The following RASA1 variants were observed in gnomAD, a reference collection of about 807,000 sequenced individuals.
RASA1 encodes RAS p21 protein activator 1, also known as ras GTPase-activating protein 1.
RASA1 carries 25 observed loss-of-function variants against 132.2 expected under a neutral mutation model. The observed-to-expected ratio is 0.19, with a 90% CI of 0.14 to 0.26. The LOEUF (loss-of-function observed/expected upper bound fraction) is 0.26. RASA1 is among the 10% of genes least tolerant of loss of function. The pLI, the probability that RASA1 is intolerant of heterozygous loss-of-function variation, is 1.00. For missense variants in RASA1, 964 were observed against 1,299.2 expected (o/e 0.74, Z 3.97); for synonymous variants, 477 against 449.9 (o/e 1.06, Z -0.76).
chr5:87,389,059 TATTTCAA>T (rs1266037948), intron 23 of RASA1, among the ~76,000 whole-genome samples: 3 of 152,170 alleles, frequency 2.0e-5, no homozygotes, highest in Non-Finnish European at 4.4e-5. Context: ...CTGAATATTA[TATTTCAA>T]TAAGAATCTT....
At position 87,271,449 on chromosome 5, in the gene RASA1, C is replaced by CTTTTTTTT. The variant is rs1274619047; in HGVS notation, c.539+2461_539+2462insTTTTTTTT. On this transcript the variant is annotated intron_variant, in intron 1 of 24. Transcript: ENST00000274376. ...GTTAAAAAAAACTGTTTTTAGTAGA[C>CTTTTTTTT]TTCTTTTTTTTTTTTTTTTTTTTTT... Among the ~76,000 whole-genome samples, 2 of 67,494 alleles carry CTTTTTTTT rather than the reference C, an allele frequency of 3.0e-5. 1 individual carries two copies. Among genetic ancestry groups the CTTTTTTTT allele is most frequent in the Non-Finnish European group, 5.9e-5 (2 of 33,692 alleles). 44.3% of individuals were successfully genotyped at this position (67,494 alleles called of 152,430 possible).
Position 87,270,906 on chromosome 5 carries a change from C to A in RASA1, c.539+1916C>A, listed in dbSNP as rs1580182030. Among the ~76,000 whole-genome samples the A allele has an allele frequency of 2.0e-5, 3 of 152,124 alleles. No homozygotes were observed. In the East Asian group the frequency reaches 5.8e-4, roughly 29 times the overall value. On this transcript the variant is annotated intron_variant, in intron 1 of 24. Transcript: ENST00000274376. ...CAGAGTTTGGTTCATATTTTAATGT[C>A]TTTGTAATGCAGAGTCCCTGGGAGT...
intron 1 of RASA1, among the ~76,000 whole-genome samples, chr5:87,288,750 G>T (rs1050275152): frequency 1.3e-5 from 2 of 152,016 alleles, no homozygotes; most frequent in African/African-American, 2.4e-5. Context: ...CCAAGTATTT[G>T]TGTTGGAAAA....
chr5:87,325,865 C>A lies in RASA1; in HGVS notation c.540-5483C>A, dbSNP rs16902626. On this transcript the variant is annotated intron_variant, in intron 1 of 24. Coordinates refer to ENST00000274376, the MANE Select transcript of RASA1 (RefSeq NM_002890.3). ...TTCACACTAGGATATTTTCTCATTG[C>A]ACAAATTTCCATATTTTTCTCTGAT... 4.2e-4 allele frequency among the ~76,000 whole-genome samples: 64 copies of A among 152,232 alleles called. 2 individuals are homozygous for A. In the East Asian group the frequency reaches 9.6e-3, roughly 23 times the overall value.
chr5:87,277,488 T>C (rs1244893282), intron 1 of RASA1, among the ~76,000 whole-genome samples: 3 of 152,094 alleles, frequency 2.0e-5, no homozygotes, highest in Non-Finnish European at 4.4e-5. Context: ...CAAGAAAAGG[T>C]CATGTGAGGA....
At chr5:87,318,133 A>G (rs1435703544) in intron 1 of RASA1, among the ~76,000 whole-genome samples, 1 of 152,156 alleles carries the variant, frequency 6.6e-6, no homozygotes, top group Admixed American at 6.5e-5. Flanking sequence ...TTCATATATC[A>G]TATAGAAATC....
intron 1 of RASA1, among the ~76,000 whole-genome samples, chr5:87,288,453 T>A (rs895574448): frequency 1.3e-5 from 2 of 152,136 alleles, no homozygotes; most frequent in South Asian, 4.1e-4. Context: ...CAGTGTGCAA[T>A]GAATTACACA....
chr5:87,327,776 C>A lies in RASA1; in HGVS notation c.540-3572C>A, dbSNP rs147567446. Among the ~76,000 whole-genome samples the A allele has an allele frequency of 7.2e-3, 1,099 of 152,074 alleles. 5 individuals carry two copies. Among genetic ancestry groups the A allele is most frequent in the Non-Finnish European group, 0.011 (769 of 67,982 alleles). ...GGTCAGTAGCTCGGGACCAGCCTGG[C>A]CAACATGGTGAAACCCCGTCTCTAC... On this transcript the variant is annotated intron_variant, in intron 1 of 24. Coordinates refer to ENST00000274376, the MANE Select transcript of RASA1 (RefSeq NM_002890.3).
In RASA1 at chr5:87,332,488, T is replaced by A. The variant is rs1466802648; in HGVS notation, c.693-19T>A. ...GCTGTAAAGATTTTTTTATACTGTA[T>A]TTTTTCCTGTTCAAATAGGATTATT... On this transcript the variant is annotated intron_variant, in intron 2 of 24. Coordinates refer to ENST00000274376, the MANE Select transcript of RASA1 (RefSeq NM_002890.3). 6.3e-7 allele frequency: 1 copy of A among 1,597,924 alleles called. No individual in the cohort carries two copies. Among genetic ancestry groups the A allele is most frequent in the Non-Finnish European group, 8.6e-7 (1 of 1,167,366 alleles).
chr5:87,270,646 CTTTTTTTTTTTTTTTTTTTTTTTTTTT>C (rs70996415), intron 1 of RASA1, among the ~76,000 whole-genome samples: 1 of 71,764 alleles, frequency 1.4e-5, no homozygotes, highest in African/African-American at 6.4e-5. Context: ...GGTGCCCGGC[CTTTTTTTTTTTTTTTTTTTTTTTTTTT>C]TTTTTTTTTT....
intron 1 of RASA1, among the ~76,000 whole-genome samples, chr5:87,324,347 G>T (rs1255621985): frequency 6.6e-6 from 1 of 151,886 alleles, no homozygotes; most frequent in Non-Finnish European, 1.5e-5. Context: ...GAGAGGTGTG[G>T]TTTTTTTTCT....
chr5:87,276,095 T>G (rs543423382), intron 1 of RASA1, among the ~76,000 whole-genome samples: 1 of 152,278 alleles, frequency 6.6e-6, no homozygotes, highest in Admixed American at 6.5e-5. Flanking sequence ...AACAGTACCA[T>G]GTGTATTACT....
At chr5:87,363,542 C>T in intron 11 of RASA1, 38 bp downstream of exon 11, 1 of 1,590,410 alleles carries the variant, frequency 6.3e-7, no homozygotes, top group African/African-American at 1.3e-5. Context: ...TCGGAATTGT[C>T]TTAATAATAA....
chr5:87,391,368 A>ATTAT lies in RASA1; in HGVS notation c.*488_*491dup, dbSNP rs1180270871. On this transcript the variant is annotated 3_prime_UTR_variant, in exon 25 of 25. Transcript: ENST00000274376. ...AATATGACCATTTGACTGTTCAATGATTATTTGTATTTACAGTTTCCAGAG... is the reference window on the plus strand; with the variant it reads ...AATATGACCATTTGACTGTTCAATGATTATTTATTTGTATTTACAGTTTCCAGAG... 3.8e-6 allele frequency: 1 copy of ATTAT among 265,180 alleles called. No individual in the cohort carries two copies. The highest frequency in any genetic ancestry group is 7.4e-6 in the Non-Finnish European group (1 of 135,952). 16.4% of individuals were successfully genotyped at this position (265,180 alleles called of 1,614,324 possible). A position where few individuals can be genotyped will look rare whatever the true frequency, so the allele number is the denominator to read the frequency against.
At chr5:87,388,741 C>T (rs921924638) in intron 23 of RASA1, among the ~76,000 whole-genome samples, 22 of 152,168 alleles carry the variant, frequency 1.4e-4, no homozygotes, top group African/African-American at 4.1e-4. Context: ...ATTGCATTTT[C>T]ATAGTGCAGT....
At chr5:87,370,899 G>A (rs528900703) in intron 12 of RASA1, among the ~76,000 whole-genome samples, 4 of 152,000 alleles carry the variant, frequency 2.6e-5, no homozygotes, top group Non-Finnish European at 4.4e-5. Flanking sequence ...ACAACTGAAC[G>A]TCATATTTCA....
In RASA1 at chr5:87,360,879, GT is replaced by G. The variant is rs371131782; in HGVS notation, c.1333-1665del. Among the ~76,000 whole-genome samples the G allele has an allele frequency of 9.9e-5, 15 of 152,160 alleles. No homozygotes were observed. The East Asian group carries it at 1.7e-3, about 18-fold the overall frequency. On this transcript the variant is annotated intron_variant, in intron 9 of 24. Transcript: ENST00000274376. ...AATTGTCAAACATCTTCCTGGATCAGTTTTTTTCTCTTTATCATTTATGAGC... is the reference window on the plus strand; with the variant it reads ...AATTGTCAAACATCTTCCTGGATCAGTTTTTTCTCTTTATCATTTATGAGC...
Position 87,268,274 on chromosome 5 carries a change from G to T in RASA1, c.-178G>T, listed in dbSNP as rs1018008798. 1.8e-5 allele frequency: 17 copies of T among 928,898 alleles called. No individual in the cohort carries two copies. The highest frequency in any genetic ancestry group is 5.4e-5 in the East Asian group (2 of 37,072). The allele number at this position is 928,898 out of a possible 1,614,324, so 57.5% of individuals were successfully genotyped here. A position where few individuals can be genotyped will look rare whatever the true frequency, so the allele number is the denominator to read the frequency against. On this transcript the variant is annotated 5_prime_UTR_variant, in exon 1 of 25. Coordinates refer to ENST00000274376, the MANE Select transcript of RASA1 (RefSeq NM_002890.3). ...TTCCCGTAACCCAGGCAGCTGGGGAGCCTGGGCTGTGGCCCTAGGAGGGGG... is the reference window on the plus strand; with the variant it reads ...TTCCCGTAACCCAGGCAGCTGGGGATCCTGGGCTGTGGCCCTAGGAGGGGG...
chr5:87,369,120 G>T (rs1760740652), intron 11 of RASA1, among the ~76,000 whole-genome samples: 1 of 152,134 alleles, frequency 6.6e-6, no homozygotes. Flanking sequence ...GCAGGAAACA[G>T]AAGTAACATT....
Sources: allele counts gnomAD v4.1 joint callset (sites outside exome capture counted in the v4.1 genomes callset), GRCh38; gene constraint gnomAD v4.1.1; transcripts MANE v1.5; gene names NCBI Gene and HGNC (gene_info 2026-07-23, HGNC 2026-07-21).